The following ANK2 variants were observed in gnomAD, a reference collection of about 807,000 sequenced individuals.
ANK2 encodes the protein ankyrin-2.
ANK2 carries 83 observed loss-of-function variants against 360.5 expected under a neutral mutation model. The ratio of observed to expected loss-of-function variants is 0.23; its 90% CI spans 0.19 to 0.28. The LOEUF (loss-of-function observed/expected upper bound fraction) is 0.28. Among genes scored for constraint, ANK2 ranks in the 10% least tolerant of loss-of-function variants. ANK2 has a pLI of 1.00. For synonymous variants in ANK2, 1,740 were observed against 1,759.5 expected (o/e 0.99, Z 0.28); for missense variants, 4,201 against 4,795.7 (o/e 0.88, Z 3.66).
the ANK2 span, among the ~76,000 whole-genome samples, chr4:112,802,106 A>G: frequency 6.6e-6 from 1 of 152,110 alleles, no homozygotes. Flanking sequence ...GGTGAGATGG[A>G]GAAACAGGAG....
At chr4:112,780,506 T>C in the ANK2 span, among the ~76,000 whole-genome samples, 1 of 152,196 alleles carries the variant, frequency 6.6e-6, no homozygotes, top group Non-Finnish European at 1.5e-5. Context: ...AGAATATAGG[T>C]AACTCTGTAT....
chr4:113,220,529 C>T (rs1349857075), intron 4 of ANK2, among the ~76,000 whole-genome samples: 1 of 152,052 alleles, frequency 6.6e-6, no homozygotes, highest in African/African-American at 2.4e-5. Context: ...AATTTGTTTA[C>T]TTTCTCTATG....
the ANK2 span, among the ~76,000 whole-genome samples, chr4:112,713,839 C>G: frequency 6.7e-6 from 1 of 150,158 alleles, no homozygotes; most frequent in African/African-American, 2.5e-5. Flanking sequence ...GAGGCTGAGG[C>G]ATGGGAATGG....
At chr4:112,896,649 G>A (rs994327477) in intron 1 of ANK2, among the ~76,000 whole-genome samples, 2 of 152,298 alleles carry the variant, frequency 1.3e-5, no homozygotes, top group East Asian at 1.9e-4. Flanking sequence ...GCTAAGGAAC[G>A]AGGTTAAAGA....
the ANK2 span, among the ~76,000 whole-genome samples, chr4:112,770,424 G>A: frequency 6.6e-6 from 1 of 152,178 alleles, no homozygotes; most frequent in Middle Eastern, 3.2e-3. Flanking sequence ...ATGTGCATTA[G>A]GCTGAGTGTG....
chr4:112,744,428 C>A, the ANK2 span, among the ~76,000 whole-genome samples: 1 of 150,350 alleles, frequency 6.7e-6, no homozygotes, highest in Non-Finnish European at 1.5e-5. Context: ...CTCACTGTAG[C>A]CCCCGCCTCC....
chr4:113,304,051 A>G (rs752312477), intron 23 of ANK2, among the ~76,000 whole-genome samples: 2 of 152,340 alleles, frequency 1.3e-5, no homozygotes, highest in Middle Eastern at 3.4e-3. Context: ...TGTTGGATCA[A>G]TGTAGTATTT....
intron 17 of ANK2, among the ~76,000 whole-genome samples, chr4:113,282,023 C>T (rs1002885958): frequency 2.0e-5 from 3 of 152,148 alleles, no homozygotes; most frequent in South Asian, 2.1e-4. Context: ...GCACACTGCT[C>T]GGCATATTCT....
intron 11 of ANK2, among the ~76,000 whole-genome samples, chr4:113,257,467 CAT>C (rs1330440049): frequency 1.3e-5 from 2 of 152,036 alleles, no homozygotes; most frequent in African/African-American, 2.4e-5. Flanking sequence ...ATCTCATTGG[CAT>C]ATATGTTATA....
rs2039201338 is a variant in ANK2 at position 113,240,514 on chromosome 4, A to G, written c.723A>G (p.Ala241=). 1 of 1,614,036 alleles carries G rather than the reference A, an allele frequency of 6.2e-7. No homozygotes were observed. The highest frequency in any genetic ancestry group is 8.5e-7 in the Non-Finnish European group (1 of 1,179,926). ...ESGFTPLHIA[A]HYGNVNVATL... is the part of the protein sequence containing the mutation. ...GTTTTACCCCTTTGCACATAGCTGC[A>G]CATTACGGAAATGTCAACGTGGCAA... is the stretch of plus-strand genomic sequence containing the variant. The change falls in exon 8 of 46, where the codon GCA becomes GCG. Residue 241 remains alanine, a synonymous_variant. Coordinates refer to ENST00000357077, the MANE Select transcript of ANK2 (RefSeq NM_001148.6).
intron 1 of ANK2, among the ~76,000 whole-genome samples, chr4:113,078,324 C>T (rs2080957859): frequency 6.6e-6 from 1 of 152,204 alleles, no homozygotes; most frequent in East Asian, 1.9e-4. Context: ...ATTGAGCTAA[C>T]AATCTGTGAT....
intron 2 of ANK2, among the ~76,000 whole-genome samples, chr4:112,963,648 A>G (rs1307534305): frequency 2.0e-5 from 3 of 152,120 alleles, no homozygotes; most frequent in African/African-American, 7.2e-5. Flanking sequence ...GGGTGCTTCT[A>G]TAAAATGGGA....
At chr4:112,865,150 A>G (rs1269959154) in intron 1 of ANK2, among the ~76,000 whole-genome samples, 1 of 151,148 alleles carries the variant, frequency 6.6e-6, no homozygotes, top group Non-Finnish European at 1.5e-5. Flanking sequence ...CATCTACCCA[A>G]TGGTATGAGC....
At chr4:112,730,313 G>C in the ANK2 span, among the ~76,000 whole-genome samples, 2 of 147,394 alleles carry the variant, frequency 1.4e-5, no homozygotes, top group Non-Finnish European at 1.5e-5. Context: ...ACATCATGGT[G>C]AATACAGTTA....
chr4:113,122,811 G>A (rs1325983469), intron 1 of ANK2, among the ~76,000 whole-genome samples: 1 of 151,730 alleles, frequency 6.6e-6, no homozygotes, highest in African/African-American at 2.4e-5. Context: ...TCTTAGCTCA[G>A]TTCACAAATC....
At chr4:113,220,503 ATT>A (rs1306822071) in intron 4 of ANK2, among the ~76,000 whole-genome samples, 5 of 152,112 alleles carry the variant, frequency 3.3e-5, no homozygotes, top group African/African-American at 4.8e-5. Context: ...TAAAAAATTT[ATT>A]TGTTTTCTTT....
chr4:112,781,061 G>A, the ANK2 span, among the ~76,000 whole-genome samples: 1 of 152,182 alleles, frequency 6.6e-6, no homozygotes, highest in African/African-American at 2.4e-5. Context: ...GTGCAGTGGT[G>A]TGATCACAGC....
At chr4:113,364,089 A>G (rs1049776024) in intron 40 of ANK2, among the ~76,000 whole-genome samples, 1 of 152,122 alleles carries the variant, frequency 6.6e-6, no homozygotes. Context: ...TGGTGGGAGG[A>G]GGTGCTCCTT....
chr4:113,294,120 T>C (rs1476587051), intron 22 of ANK2, among the ~76,000 whole-genome samples: 3 of 152,274 alleles, frequency 2.0e-5, no homozygotes, highest in Non-Finnish European at 4.4e-5. Flanking sequence ...TTATTTTCTC[T>C]GTTTTGAATA....
Sources: gnomAD v4.1 joint callset for allele counts (sites outside exome capture counted in the v4.1 genomes callset) on GRCh38, gnomAD v4.1.1 for gene constraint, MANE v1.5 for transcripts, NCBI Gene and HGNC (gene_info 2026-07-23, HGNC 2026-07-21) for gene names.